Variants in RNF17 observed in about 807,000 individuals in gnomAD.
The protein encoded by RNF17 is ring finger protein 17.
In RNF17, 31 loss-of-function variants were observed where a neutral mutation model predicts 200.5. That is an observed-to-expected ratio of 0.15 (90% CI 0.12 to 0.21). The LOEUF (loss-of-function observed/expected upper bound fraction) is 0.21. Among genes scored for constraint, RNF17 ranks in the 10% least tolerant of loss-of-function variants. The pLI is 1.00. For missense variants in RNF17, 1,628 were observed against 1,905.1 expected, an observed-to-expected ratio of 0.85 and a Z score of 2.71; for synonymous variants, 606 against 637.8, an observed-to-expected ratio of 0.95 and a Z score of 0.75.
chr13:24,755,237 C>T, the RNF17 span, among the ~76,000 whole-genome samples: 297 of 152,008 alleles, frequency 2.0e-3, 1 homozygote, highest in African/African-American at 6.5e-3. Context: ...TGATCATTTC[C>T]TGTGGAAGTA....
At chr13:24,840,762 A>G (rs1214427719) in intron 18 of RNF17, among the ~76,000 whole-genome samples, 1 of 152,132 alleles carries the variant, frequency 6.6e-6, no homozygotes, top group East Asian at 1.9e-4. Context: ...GGCGAAGGAT[A>G]AAAGACTACA....
At chr13:24,885,519 G>A in the RNF17 span, 96,865 of 1,214,488 alleles carry the variant, frequency 0.08, 4,957 homozygotes, top group East Asian at 0.2. Flanking sequence ...TTTTTTACAC[G>A]TGGTTTAGAA....
At chr13:24,831,132 A>C (rs1417090140) in intron 17 of RNF17, among the ~76,000 whole-genome samples, 1 of 152,126 alleles carries the variant, frequency 6.6e-6, no homozygotes, top group Non-Finnish European at 1.5e-5. Context: ...AGTATTATAG[A>C]AAAAAATTTT....
intron 4 of RNF17, 37 bp from the exon 5 acceptor site, chr13:24,779,630 A>T (rs764383743): frequency 6.7e-7 from 1 of 1,501,266 alleles, no homozygotes; most frequent in Non-Finnish European, 9.2e-7. Context: ...TCTGTTTTTT[A>T]GTTTTATATT....
intron 11 of RNF17, among the ~76,000 whole-genome samples, chr13:24,797,551 G>C (rs962258018): frequency 1.3e-5 from 2 of 152,118 alleles, no homozygotes; most frequent in African/African-American, 4.8e-5. Context: ...GCAAATGTCT[G>C]TGTTGAGTTT....
intron 18 of RNF17, among the ~76,000 whole-genome samples, chr13:24,832,283 G>A (rs1276179779): frequency 6.6e-6 from 1 of 152,156 alleles, no homozygotes; most frequent in African/African-American, 2.4e-5. Context: ...TAACATAGTG[G>A]ATGCTAACGT....
At chr13:24,881,825 T>C (rs1322690123), downstream of RNF17, among the ~76,000 whole-genome samples, 6 of 135,650 alleles carry the variant, frequency 4.4e-5, no homozygotes, top group African/African-American at 1.3e-4. Context: ...TCTATATAGA[T>C]ACATCTATAT....
At chr13:24,802,337 G>A (rs373094488) in intron 13 of RNF17, 44 bp from the exon 14 acceptor site, 282 of 1,489,094 alleles carry the variant, frequency 1.9e-4, no homozygotes, top group African/African-American at 9.8e-4. Context: ...TAACATTAGC[G>A]ATACTTACAA....
intron 13 of RNF17, among the ~76,000 whole-genome samples, chr13:24,801,037 G>A (rs1384069538): frequency 2.6e-5 from 4 of 152,090 alleles, no homozygotes; most frequent in East Asian, 1.9e-4. Flanking sequence ...TTTGCTCATC[G>A]TTGTATTCCC....
intron 30 of RNF17, among the ~76,000 whole-genome samples, chr13:24,867,824 C>T (rs1893788426): frequency 6.6e-6 from 1 of 152,074 alleles, no homozygotes; most frequent in African/African-American, 2.4e-5. Context: ...AGAGAAAGCA[C>T]ACCTTTTTGA....
chr13:24,885,617 C>T, the RNF17 span: 11 of 1,609,872 alleles, frequency 6.8e-6, no homozygotes, highest in Middle Eastern at 4.9e-4. Flanking sequence ...TGTCCCTTAT[C>T]CAAATTGCCT....
intron 11 of RNF17, among the ~76,000 whole-genome samples, chr13:24,797,708 G>GTGTGTC (rs1566146906): frequency 3.3e-4 from 17 of 51,696 alleles, no homozygotes; most frequent in African/African-American, 1.0e-3. Flanking sequence ...GACAAAGAGT[G>GTGTGTC]TGTGTGTGTG....
At chr13:24,835,329 GCT>G (rs1593382910) in intron 18 of RNF17, among the ~76,000 whole-genome samples, 1 of 152,086 alleles carries the variant, frequency 6.6e-6, no homozygotes, top group African/African-American at 2.4e-5. Flanking sequence ...CACAGCTGAT[GCT>G]CTCTGGAAAT....
At chr13:24,886,035 ATAAATG>A in the RNF17 span, 1 of 371,796 alleles carries the variant, frequency 2.7e-6, no homozygotes, top group Non-Finnish European at 5.2e-6. Context: ...TAGTTAAAAC[ATAAATG>A]CCCTTGTGGC....
chr13:24,852,379 C>T (rs919493106), intron 24 of RNF17, among the ~76,000 whole-genome samples: 29 of 152,100 alleles, frequency 1.9e-4, no homozygotes, highest in African/African-American at 6.8e-4. Flanking sequence ...ACCTCGTGAT[C>T]TGCCCGCCTT....
downstream of RNF17, chr13:24,882,625 C>T (rs1470337883): frequency 6.5e-6 from 1 of 153,976 alleles, no homozygotes; most frequent in African/African-American, 2.4e-5. Context: ...TTTCTCTTCA[C>T]CATGATTACT....
intron 2 of RNF17, among the ~76,000 whole-genome samples, chr13:24,770,762 T>G (rs1036252891): frequency 6.6e-6 from 1 of 152,258 alleles, no homozygotes; most frequent in African/African-American, 2.4e-5. Context: ...TTTGTTTCTT[T>G]TAGCAACCTT....
At chr13:24,882,895 T>TA, downstream of RNF17, 1 of 409,770 alleles carries the variant, frequency 2.4e-6, no homozygotes, top group Non-Finnish European at 4.5e-6. Flanking sequence ...TAGCCATTTC[T>TA]AACCAATAAA....
At chr13:24,807,040 G>C (rs1333389787) in intron 15 of RNF17, among the ~76,000 whole-genome samples, 1 of 151,508 alleles carries the variant, frequency 6.6e-6, no homozygotes, top group Non-Finnish European at 1.5e-5. Context: ...TCTTAATCCA[G>C]TCTATCATTG....
Sources: gnomAD v4.1 joint callset for allele counts (sites outside exome capture counted in the v4.1 genomes callset) on GRCh38, gnomAD v4.1.1 for gene constraint, MANE v1.5 for transcripts, NCBI Gene and HGNC (gene_info 2026-07-23, HGNC 2026-07-21) for gene names.